SCP2: variants seen among roughly 807,000 people sequenced by gnomAD.
SCP2 encodes the protein SCP-2/3-oxoacyl-CoA thiolase.
In SCP2, 48 loss-of-function variants were observed where a neutral mutation model predicts 71.4. That is an observed-to-expected ratio of 0.67 (90% confidence interval 0.53 to 0.86). SCP2 has a LOEUF of 0.86. Ranked by LOEUF, SCP2 falls within the 40% of genes least tolerant of loss-of-function variation. The pLI is 0.00. For synonymous variants in SCP2, 220 were observed against 218.1 expected (o/e 1.01, Z -0.08); for missense variants, 560 against 655.6 (o/e 0.85, Z 1.59).
chr1:52,973,406 C>T (rs953214349), intron 6 of SCP2, among the ~76,000 whole-genome samples: 5 of 151,750 alleles, frequency 3.3e-5, no homozygotes, highest in African/African-American at 4.8e-5. Context: ...AAATCCCACA[C>T]TACGATATTT....
At chr1:53,025,604 A>T (rs536532326) in intron 12 of SCP2, among the ~76,000 whole-genome samples, 16 of 151,286 alleles carry the variant, frequency 1.1e-4, no homozygotes, top group African/African-American at 3.9e-4. Context: ...TCCTCTTTGT[A>T]TCTCCCTCAC....
chr1:53,035,982 T>G (rs1428640169), intron 13 of SCP2, among the ~76,000 whole-genome samples: 1 of 136,428 alleles, frequency 7.3e-6, no homozygotes, highest in Non-Finnish European at 1.5e-5. Flanking sequence ...ATCAGGCCAC[T>G]GCACTCCAGC....
Position 53,050,610 on chromosome 1 carries a change from C to T in SCP2, c.1550C>T (p.Ala517Val), listed in dbSNP as rs1187804732. ...LMTGKMNPQSAFFQGKLKITG... is the reference protein window; with the variant it reads ...LMTGKMNPQSVFFQGKLKITG... ...ATGAATTTTCTTTCTTCTTCACAGGCCTTCTTTCAAGGCAAATTGAAAATC... is the reference window on the plus strand; with the variant it reads ...ATGAATTTTCTTTCTTCTTCACAGGTCTTCTTTCAAGGCAAATTGAAAATC... The change falls in exon 16 of 16, where the codon GCC becomes GTC. Residue 517 changes from alanine to valine, a missense_variant and splice_region_variant. This residue lies in a region of SCP2 where 43 missense variants were observed against 65.9 expected (regional missense o/e 0.65). Coordinates refer to ENST00000371514, the MANE Select transcript of SCP2 (RefSeq NM_002979.5). 1.2e-6 allele frequency: 2 copies of T among 1,608,046 alleles called. No individual in the cohort carries two copies. The highest frequency in any genetic ancestry group is 1.3e-5 in the African/African-American group (1 of 74,902).
intron 11 of SCP2, among the ~76,000 whole-genome samples, chr1:53,013,198 C>T (rs1488825788): frequency 1.3e-5 from 2 of 149,942 alleles, no homozygotes; most frequent in Non-Finnish European, 3.0e-5. Context: ...TCACTGCAGC[C>T]TTGACTTCCT....
intron 1 of SCP2, among the ~76,000 whole-genome samples, chr1:52,937,180 T>C (rs934200651): frequency 1.3e-5 from 2 of 152,156 alleles, no homozygotes; most frequent in Admixed American, 1.3e-4. Flanking sequence ...ACTTCTTACA[T>C]TGATGAAGAA....
chr1:52,930,969 A>C (rs1653098868), intron 1 of SCP2, among the ~76,000 whole-genome samples: 1 of 152,238 alleles, frequency 6.6e-6, no homozygotes, highest in Non-Finnish European at 1.5e-5. Context: ...GTTTTAAAGG[A>C]ATGTCTAATC....
At chr1:53,037,879 TACACACACAC>T (rs34293671) in intron 13 of SCP2, among the ~76,000 whole-genome samples, 3,360 of 83,962 alleles carry the variant, frequency 0.04, 124 homozygotes, top group Admixed American at 0.092. Flanking sequence ...TGTCTCTACA[TACACACACAC>T]ACACACACAC....
chr1:53,007,367 G>A (rs1294732442), intron 11 of SCP2, among the ~76,000 whole-genome samples: 1 of 152,064 alleles, frequency 6.6e-6, no homozygotes, highest in African/African-American at 2.4e-5. Context: ...AATTGACCAT[G>A]TAGTTGGAAG....
intron 11 of SCP2, among the ~76,000 whole-genome samples, chr1:53,006,383 G>A (rs1660638558): frequency 6.6e-6 from 1 of 152,136 alleles, no homozygotes; most frequent in Admixed American, 6.5e-5. Flanking sequence ...CACAGAGAAA[G>A]GTCGGGTTAC....
chr1:53,015,593 A>G (rs1572189279), intron 12 of SCP2, among the ~76,000 whole-genome samples: 1 of 152,194 alleles, frequency 6.6e-6, no homozygotes, highest in East Asian at 1.9e-4. Context: ...CCCCAGAGGA[A>G]AAAAGCGCCC....
intron 11 of SCP2, among the ~76,000 whole-genome samples, chr1:52,989,376 G>T (rs1659272082): frequency 6.6e-6 from 1 of 152,140 alleles, no homozygotes; most frequent in Non-Finnish European, 1.5e-5. Flanking sequence ...GGAGGTGGGG[G>T]GTGCTTAAAA....
chr1:52,978,127 GC>G (rs748908908), intron 8 of SCP2, 89 bp from the exon 9 acceptor site: 4 of 1,195,146 alleles, frequency 3.3e-6, no homozygotes, highest in Non-Finnish European at 5.0e-6. Context: ...AGCATATTTG[GC>G]CTTTCCTTTC....
intron 12 of SCP2, among the ~76,000 whole-genome samples, chr1:53,015,456 T>C (rs931583063): frequency 1.3e-5 from 2 of 152,218 alleles, no homozygotes; most frequent in African/African-American, 4.8e-5. Context: ...GCTAGAATTC[T>C]TTTTGTCTCT....
chr1:52,943,763 T>A (rs971166317), intron 2 of SCP2: 4 of 441,702 alleles, frequency 9.1e-6, no homozygotes, highest in Non-Finnish European at 1.8e-5. Context: ...TTTAGTGGAC[T>A]TCTGATAACG....
At chr1:53,021,683 C>T (rs1425276079) in intron 12 of SCP2, among the ~76,000 whole-genome samples, 19 of 140,518 alleles carry the variant, frequency 1.4e-4, no homozygotes, top group Non-Finnish European at 1.2e-4. Context: ...CTTGCCTTGT[C>T]ACCCAGGCTG....
intron 11 of SCP2, chr1:52,993,406 T>A (rs2150196663): frequency 6.2e-7 from 1 of 1,614,180 alleles, no homozygotes; most frequent in South Asian, 1.1e-5. Flanking sequence ...GTGTTACCTG[T>A]CTTTGATGAT....
chr1:52,988,958 C>T (rs1209335928), intron 11 of SCP2, among the ~76,000 whole-genome samples: 1 of 152,158 alleles, frequency 6.6e-6, no homozygotes, highest in East Asian at 1.9e-4. Flanking sequence ...TCCCAGAGTG[C>T]TGGGATTACC....
At chr1:53,025,156 T>C (rs1662033888) in intron 12 of SCP2, among the ~76,000 whole-genome samples, 1 of 152,186 alleles carries the variant, frequency 6.6e-6, no homozygotes, top group Non-Finnish European at 1.5e-5. Flanking sequence ...ATCTAGTGGA[T>C]ACTTGACCTT....
At position 53,000,665 on chromosome 1, in the gene SCP2, A is replaced by G. The variant is rs868292813; in HGVS notation, c.1081+12529A>G. 3.9e-5 allele frequency among the ~76,000 whole-genome samples: 6 copies of G among 152,276 alleles called. No individual in the cohort carries two copies. In the South Asian group the frequency reaches 6.2e-4, roughly 16 times the overall value. ...GGAGCCTCCTGAAGCTTTTAAAAGT[A>G]TATGTTCTTGCCTGAGTGTGGTGGC... is the stretch of plus-strand genomic sequence containing the variant. On this transcript the variant is annotated intron_variant, in intron 11 of 15. Coordinates refer to ENST00000371514, the MANE Select transcript of SCP2 (RefSeq NM_002979.5).
Sources: gnomAD v4.1 joint callset for allele counts (sites outside exome capture counted in the v4.1 genomes callset) on GRCh38, gnomAD v4.1.1 for gene constraint, gnomAD v4.1.1 regional missense constraint, MANE v1.5 for transcripts, NCBI Gene and HGNC (gene_info 2026-07-23, HGNC 2026-07-21) for gene names.